Variants in VPS8 observed in about 807,000 individuals in gnomAD.
VPS8 encodes vacuolar protein sorting-associated protein 8 homolog.
VPS8 carries 129 observed loss-of-function variants against 216.4 expected under a neutral mutation model. The ratio of observed to expected loss-of-function variants is 0.60; its 90% confidence interval spans 0.52 to 0.69. The LOEUF is 0.69. Among genes scored for constraint, VPS8 ranks in the 30% least tolerant of loss-of-function variants. VPS8 has a pLI of 0.00. For synonymous variants in VPS8, 571 were observed against 565.4 expected (o/e 1.01, Z -0.14); for missense variants, 1,531 against 1,683.5 (o/e 0.91, Z 1.59).
chr3:184,913,699 C>A, intron 26 of VPS8, 138 bp downstream of exon 26: 1 of 658,790 alleles, frequency 1.5e-6, no homozygotes. Flanking sequence ...TGGTTCTCAA[C>A]CATGGATAAT....
At chr3:184,916,704 G>T (rs1737658007) in intron 28 of VPS8, among the ~76,000 whole-genome samples, 2 of 152,158 alleles carry the variant, frequency 1.3e-5, no homozygotes, top group Non-Finnish European at 2.9e-5. Context: ...GTCCAGAGGG[G>T]AACATAAGGG....
chr3:184,997,539 T>C (rs1752773555), intron 44 of VPS8, among the ~76,000 whole-genome samples: 1 of 152,194 alleles, frequency 6.6e-6, no homozygotes, highest in African/African-American at 2.4e-5. Flanking sequence ...GAAATATTTA[T>C]TGAGCACCTG....
intron 35 of VPS8, among the ~76,000 whole-genome samples, chr3:184,937,491 C>T (rs1377172777): frequency 1.3e-5 from 2 of 152,200 alleles, no homozygotes; most frequent in Non-Finnish European, 2.9e-5. Flanking sequence ...AATAAGAATA[C>T]AACCTTTTCT....
At chr3:184,926,395 TA>T (rs1739652839) in intron 30 of VPS8, among the ~76,000 whole-genome samples, 198 bp from the exon 31 acceptor site, 1 of 151,418 alleles carries the variant, frequency 6.6e-6, no homozygotes, top group Non-Finnish European at 1.5e-5. Context: ...AATAAATAAA[TA>T]AATAAATAGT....
At chr3:184,951,924 T>C (rs1744770014) in intron 36 of VPS8, among the ~76,000 whole-genome samples, 1 of 152,356 alleles carries the variant, frequency 6.6e-6, no homozygotes, top group Middle Eastern at 3.4e-3. Context: ...CATCAAAATC[T>C]ATTCATCTGG....
intron 5 of VPS8, among the ~76,000 whole-genome samples, chr3:184,836,529 A>G (rs755964428): frequency 6.6e-6 from 1 of 152,138 alleles, no homozygotes; most frequent in Non-Finnish European, 1.5e-5. Flanking sequence ...TAAATCCCAG[A>G]GTGTTTGCAT....
intron 21 of VPS8, among the ~76,000 whole-genome samples, chr3:184,873,430 C>G (rs1029272407): frequency 5.9e-5 from 9 of 152,234 alleles, no homozygotes; most frequent in East Asian, 1.9e-4. Flanking sequence ...GTGGCAGACA[C>G]TGTTACAGAC....
intron 21 of VPS8, among the ~76,000 whole-genome samples, chr3:184,884,315 A>C (rs930746783): frequency 1.3e-5 from 2 of 152,048 alleles, no homozygotes; most frequent in African/African-American, 4.8e-5. Flanking sequence ...GAGTGAGAAC[A>C]TGCGGTGTTT....
intron 5 of VPS8, chr3:184,836,197 A>C (rs1209496810): frequency 2.2e-6 from 1 of 451,140 alleles, no homozygotes; most frequent in Admixed American, 2.4e-5. Flanking sequence ...TTAAATAGAG[A>C]GATGCTCAAG....
chr3:185,002,875 C>G (rs1753601639), intron 45 of VPS8, among the ~76,000 whole-genome samples: 1 of 152,198 alleles, frequency 6.6e-6, no homozygotes, highest in Non-Finnish European at 1.5e-5. Context: ...GTTGGTTCCA[C>G]ATCTTGCAGT....
chr3:184,981,733 G>A (rs1750248550), intron 40 of VPS8, among the ~76,000 whole-genome samples: 1 of 152,092 alleles, frequency 6.6e-6, no homozygotes, highest in Admixed American at 6.5e-5. Flanking sequence ...ACCATGCCTG[G>A]CCATTCATTA....
At chr3:184,963,160 T>C (rs1285619300) in intron 37 of VPS8, among the ~76,000 whole-genome samples, 1 of 152,142 alleles carries the variant, frequency 6.6e-6, no homozygotes, top group Non-Finnish European at 1.5e-5. Context: ...TTTAGTGTCC[T>C]ACATCTCCTA....
intron 46 of VPS8, among the ~76,000 whole-genome samples, chr3:185,026,410 C>CT (rs3045678): frequency 0.014 from 1,671 of 119,090 alleles, 15 homozygotes; most frequent in South Asian, 0.021. Context: ...GGCTGTATTT[C>CT]TTTTTTTTTT....
At chr3:185,042,327 C>T (rs1465471166) in intron 46 of VPS8, among the ~76,000 whole-genome samples, 2 of 152,334 alleles carry the variant, frequency 1.3e-5, no homozygotes, top group Admixed American at 1.3e-4. Context: ...GGGCAGATCC[C>T]CGGAGTATCC....
At position 184,999,831 on chromosome 3, in the gene VPS8, A is replaced by C. The variant is rs1239523287; in HGVS notation, c.3972A>C (p.Glu1324Asp). 1.9e-6 allele frequency: 3 copies of C among 1,612,000 alleles called. 1 individual carries two copies. In the South Asian group the frequency reaches 3.3e-5, roughly 18 times the overall value. ...KVGKLSENSS[E>D]IKKGRITPSQ... Reference sequence around the variant, plus strand: ...GAAAACTCAGTGAAAATTCATCTGAAATTAAAAAGGGAAGGATAACCCCAT... The same window carrying C: ...GAAAACTCAGTGAAAATTCATCTGACATTAAAAAGGGAAGGATAACCCCAT... The change falls in exon 45 of 48, where the codon GAA becomes GAC. Residue 1324 changes from glutamate (E) to aspartate (D), a missense_variant. By Grantham distance (45) the Glu-to-Asp change is conservative. Coordinates refer to ENST00000625842, the MANE Select transcript of VPS8 (RefSeq NM_001009921.3).
At chr3:184,934,927 ATTTC>A (rs1465565861) in intron 34 of VPS8, among the ~76,000 whole-genome samples, 1 of 152,134 alleles carries the variant, frequency 6.6e-6, no homozygotes, top group Non-Finnish European at 1.5e-5. Flanking sequence ...GGCTGGAATT[ATTTC>A]TTCCTTAAAT....
intron 37 of VPS8, among the ~76,000 whole-genome samples, chr3:184,963,473 T>C (rs182742273): frequency 6.6e-6 from 1 of 152,264 alleles, no homozygotes; most frequent in East Asian, 1.9e-4. Flanking sequence ...TCTATATTGA[T>C]TGCTGCTGCT....
intron 25 of VPS8, among the ~76,000 whole-genome samples, chr3:184,909,513 T>G (rs780907839): frequency 9.2e-5 from 14 of 152,206 alleles, no homozygotes; most frequent in Non-Finnish European, 1.8e-4. Context: ...ATTCATTTGC[T>G]CTTAACTCCT....
At chr3:184,907,324 A>G (rs1328122271) in intron 25 of VPS8, among the ~76,000 whole-genome samples, 1 of 152,202 alleles carries the variant, frequency 6.6e-6, no homozygotes, top group Non-Finnish European at 1.5e-5. Flanking sequence ...TTAGATATGC[A>G]TTTGTCTCCA....
Sources: gnomAD v4.1 joint callset for allele counts (sites outside exome capture counted in the v4.1 genomes callset) on GRCh38, gnomAD v4.1.1 for gene constraint, MANE v1.5 for transcripts, NCBI Gene and HGNC (gene_info 2026-07-23, HGNC 2026-07-21) for gene names.